The following ARHGEF6 variants were observed in gnomAD, a reference collection of about 807,000 sequenced individuals.
ARHGEF6 encodes the protein rho guanine nucleotide exchange factor 6.
A neutral mutation model predicts 70.3 loss-of-function variants in ARHGEF6; 9 were observed. The ratio of observed to expected loss-of-function variants is 0.13; its 90% confidence interval spans 0.08 to 0.22. The LOEUF is 0.22. Ranked by LOEUF, ARHGEF6 falls within the 10% of genes least tolerant of loss-of-function variation. ARHGEF6 has a pLI of 1.00. For missense variants in ARHGEF6, 470 were observed against 563.0 expected (o/e 0.83, Z 1.67); for synonymous variants, 201 against 207.8 (o/e 0.97, Z 0.28).
chrX:136,669,579 G>A (rs201846183), intron 20 of ARHGEF6, 43 bp from the exon 21 acceptor site: 2 of 1,054,734 alleles, frequency 1.9e-6, no homozygotes, highest in East Asian at 6.0e-5. Flanking sequence ...GGCTTGCACT[G>A]AGGTACTGTT....
At position 136,720,518 on chromosome X, in the gene ARHGEF6, A is replaced by G. The variant is rs1318658642; in HGVS notation, c.733-7148T>C. Among the ~76,000 whole-genome samples, 3 of 110,688 alleles carry G rather than the reference A, an allele frequency of 2.7e-5. No homozygotes were observed. In the East Asian group the frequency reaches 8.4e-4, roughly 31 times the overall value. ...AAGAACAGCTACGAAAAAAAAAGGGAAAAAAAAGCTAACAAAAAACCCCGA... is the reference window on the plus strand; with the variant it reads ...AAGAACAGCTACGAAAAAAAAAGGGGAAAAAAAGCTAACAAAAAACCCCGA... On this transcript the variant is annotated intron_variant, in intron 6 of 21. Coordinates refer to ENST00000250617, the MANE Select transcript of ARHGEF6 (RefSeq NM_004840.3).
At chrX:136,720,801 T>C (rs1172888130) in intron 6 of ARHGEF6, among the ~76,000 whole-genome samples, 1 of 112,468 alleles carries the variant, frequency 8.9e-6, no homozygotes, top group Non-Finnish European at 1.9e-5. Context: ...GATTATAACA[T>C]GGTTGCAAGA....
At chrX:136,668,208 G>A (rs2076181015) in intron 21 of ARHGEF6, 39 bp from the exon 22 acceptor site, 1 of 1,206,455 alleles carries the variant, frequency 8.3e-7, no homozygotes, top group Non-Finnish European at 1.1e-6. Context: ...CAAACAGAGG[G>A]GGGCCCTTCC....
At chrX:136,669,058 A>G (rs774142449) in intron 21 of ARHGEF6, among the ~76,000 whole-genome samples, 1 of 111,230 alleles carries the variant, frequency 9.0e-6, no homozygotes, top group African/African-American at 3.3e-5. Flanking sequence ...CCTCGCATCC[A>G]TCCTTCACTC....
chrX:136,773,879 C>T (rs2077381359), intron 2 of ARHGEF6: 1 of 111,767 alleles, frequency 8.9e-6, no homozygotes, highest in Non-Finnish European at 1.9e-5. Context: ...TGCCTCATTA[C>T]AATATTCATA....
intron 14 of ARHGEF6, among the ~76,000 whole-genome samples, chrX:136,681,313 G>T (rs757255607): frequency 8.9e-6 from 1 of 111,748 alleles, no homozygotes; most frequent in African/African-American, 3.3e-5. Context: ...GAAAGAAGAG[G>T]GTAAGGCCAT....
At chrX:136,733,137 A>G (rs1002635302) in intron 5 of ARHGEF6, among the ~76,000 whole-genome samples, 1 of 110,166 alleles carries the variant, frequency 9.1e-6, no homozygotes, top group African/African-American at 3.3e-5. Context: ...TTTTAAAAAA[A>G]AAACAATAAA....
At chrX:136,766,184 G>C (rs1334288825) in intron 2 of ARHGEF6, among the ~76,000 whole-genome samples, 1 of 112,185 alleles carries the variant, frequency 8.9e-6, no homozygotes, top group African/African-American at 3.2e-5. Context: ...CAGAATTCCA[G>C]ACTGTGGCTG....
intron 6 of ARHGEF6, 70 bp from the exon 7 acceptor site, chrX:136,713,440 T>A: frequency 1.2e-6 from 1 of 812,411 alleles, no homozygotes; most frequent in Non-Finnish European, 1.8e-6. Flanking sequence ...TTTGATCTTT[T>A]AACCAAATTA....
chrX:136,711,709 C>T (rs1291213773), intron 7 of ARHGEF6, among the ~76,000 whole-genome samples: 4 of 109,924 alleles, frequency 3.6e-5, no homozygotes, highest in Admixed American at 9.6e-5. Context: ...ACTACAGGTG[C>T]GCACCACCAA....
intron 13 of ARHGEF6, 80 bp from the exon 14 acceptor site, chrX:136,682,048 C>T (rs1254037189): frequency 2.3e-5 from 18 of 787,387 alleles, no homozygotes; most frequent in Non-Finnish European, 3.1e-5. Context: ...CTGACCCTCT[C>T]AGCAAGGCAA....
intron 6 of ARHGEF6, among the ~76,000 whole-genome samples, chrX:136,715,032 A>G (rs1314890816): frequency 8.9e-6 from 1 of 112,072 alleles, no homozygotes; most frequent in African/African-American, 3.2e-5. Context: ...CTGAAAGGCA[A>G]TATTGCCCCC....
At chrX:136,686,623 C>T (rs749038783) in intron 11 of ARHGEF6, among the ~76,000 whole-genome samples, 2,592 of 42,213 alleles carry the variant, frequency 0.061, 37 homozygotes, top group African/African-American at 0.15. Context: ...TATATATATA[C>T]ACATATATAT....
intron 5 of ARHGEF6, among the ~76,000 whole-genome samples, chrX:136,741,617 T>C (rs2077043943): frequency 9.1e-6 from 1 of 109,961 alleles, no homozygotes; most frequent in Admixed American, 9.8e-5. Context: ...AGCAATGCTC[T>C]GAACACTAGA....
At chrX:136,692,174 G>T (rs746546592) in intron 9 of ARHGEF6, among the ~76,000 whole-genome samples, 1 of 111,908 alleles carries the variant, frequency 8.9e-6, no homozygotes, top group Non-Finnish European at 1.9e-5. Flanking sequence ...TGGCACATAT[G>T]TTGGGCTGGG....
chrX:136,676,976 G>GA (rs2076287424), intron 17 of ARHGEF6, among the ~76,000 whole-genome samples: 1 of 112,499 alleles, frequency 8.9e-6, no homozygotes, highest in Non-Finnish European at 1.9e-5. Flanking sequence ...AGATGTGGCA[G>GA]ATTCTCCAGG....
chrX:136,685,529 C>T (rs1048756182), intron 12 of ARHGEF6, 148 bp downstream of exon 12: 1 of 604,158 alleles, frequency 1.7e-6, no homozygotes, highest in Non-Finnish European at 2.6e-6. Flanking sequence ...ATTGCTTGAA[C>T]CCAGGAGGCA....
chrX:136,715,284 C>CT (rs1464863857), intron 6 of ARHGEF6, among the ~76,000 whole-genome samples: 1 of 111,233 alleles, frequency 9.0e-6, no homozygotes, highest in Admixed American at 9.6e-5. Context: ...TTAGAAACTA[C>CT]TTTGAGATGA....
rs2076170311 is a variant in ARHGEF6, at chrX:136,667,324, G to T, written c.*705C>A. 1 of 112,339 alleles carries T rather than the reference G, an allele frequency of 8.9e-6. No homozygotes were observed. The highest frequency in any genetic ancestry group is 3.7e-4 in the South Asian group (1 of 2,693). 9.3% of individuals were successfully genotyped at this position (112,339 alleles called of 1,213,427 possible). A position where few individuals can be genotyped will look rare whatever the true frequency, so the allele number is the denominator to read the frequency against. On this transcript the variant is annotated 3_prime_UTR_variant, in exon 22 of 22. Transcript: ENST00000250617. The stretch of plus-strand genomic sequence containing the variant: ...GTTGGTGTGGGTGACCAGAGCTTCT[G>T]CCCCCCTGAGTTACAATTTACATGA...
Sources: gnomAD v4.1 joint callset for allele counts (sites outside exome capture counted in the v4.1 genomes callset) on GRCh38, gnomAD v4.1.1 for gene constraint, MANE v1.5 for transcripts, NCBI Gene and HGNC (gene_info 2026-07-23, HGNC 2026-07-21) for gene names.